Variants in FBXW10 observed in about 807,000 individuals in gnomAD.
The protein encoded by FBXW10 is F-box and WD repeat domain containing 10, also known as F-box/WD repeat-containing protein 10.
In FBXW10, 68 loss-of-function variants were observed where a neutral mutation model predicts 113.1. The observed-to-expected ratio is 0.60, with a 90% CI of 0.49 to 0.74. The LOEUF is 0.74. FBXW10 is among the 30% of genes least tolerant of loss of function. FBXW10 has a pLI of 0.00. For missense variants in FBXW10, 753 were observed against 1,284.5 expected (o/e 0.59, Z 6.32); for synonymous variants, 289 against 481.6 (o/e 0.60, Z 5.24).
rs558549771 is a variant in FBXW10, at chr17:18,758,488, C to A, written c.1416C>A (p.Ser472Arg). 1 of 1,613,402 alleles carries A rather than the reference C, an allele frequency of 6.2e-7. No individual in the cohort carries two copies. Among genetic ancestry groups the A allele is most frequent in the South Asian group, 1.1e-5 (1 of 91,050 alleles). ...CEEENFLLSG[S>R]YDLSIRYWDL... ...AGGAAAACTTTCTCCTAAGCGGGAG[C>A]TATGACCTAAGTATCAGGTGAGGAG... The change falls in exon 7 of 14, where the codon AGC (serine) becomes AGA (arginine). Residue 472 changes from serine (S) to arginine (R), a missense_variant. Ser to Arg is a moderately radical substitution (Grantham distance 110). Transcript: ENST00000395665.
At chr17:18,745,414 A>ATGT in intron 1 of FBXW10, 1 of 242,576 alleles carries the variant, frequency 4.1e-6, no homozygotes, top group Middle Eastern at 2.1e-3. Context: ...AGGATTCTGT[A>ATGT]TGTCTTTTCT....
rs569565112 is a variant in FBXW10, at chr17:18,748,230, T to C, written c.670+125T>C. 1.3e-4 allele frequency: 193 copies of C among 1,468,416 alleles called. 1 individual carries two copies. In the East Asian group the frequency reaches 4.6e-3, roughly 35 times the overall value. The allele number at this position is 1,468,416 out of a possible 1,614,324, so 91.0% of individuals were successfully genotyped here. On this transcript the variant is annotated intron_variant, in intron 2 of 13. Coordinates refer to ENST00000395665, the MANE Select transcript of FBXW10 (RefSeq NM_001267585.2). ...GTCAGGAGATCGAGACCATCCTGGC[T>C]AACACGGTGAAACCCCGTCTCTACT...
chr17:18,747,756 C>G (rs1336897881), intron 1 of FBXW10, among the ~76,000 whole-genome samples, 185 bp from the exon 2 acceptor site: 1 of 151,964 alleles, frequency 6.6e-6, no homozygotes, highest in Admixed American at 6.6e-5. Context: ...GAAAAGCTAA[C>G]AGGAAGCTTT....
At chr17:18,769,779 A>G (rs1170308185) in intron 10 of FBXW10, 148 bp from the exon 11 acceptor site, 5 of 397,636 alleles carry the variant, frequency 1.3e-5, no homozygotes, top group East Asian at 1.4e-4. Context: ...CTCCATCTCA[A>G]AAAAAAAAAA....
intron 10 of FBXW10, among the ~76,000 whole-genome samples, chr17:18,769,085 A>G (rs891661012): frequency 4.0e-5 from 6 of 151,350 alleles, no homozygotes; most frequent in African/African-American, 1.2e-4. Flanking sequence ...ACAGGCGCCC[A>G]CCACCACACC....
intron 7 of FBXW10, among the ~76,000 whole-genome samples, chr17:18,763,186 T>G (rs911718526): frequency 6.6e-6 from 1 of 151,472 alleles, no homozygotes; most frequent in African/African-American, 2.4e-5. Flanking sequence ...AGACAGAGTC[T>G]CACTCTGTCG....
chr17:18,746,633 T>A (rs1239122838), intron 1 of FBXW10, among the ~76,000 whole-genome samples: 1 of 152,140 alleles, frequency 6.6e-6, no homozygotes, highest in Non-Finnish European at 1.5e-5. Context: ...AAACAGTAAG[T>A]TAGACTGGAG....
intron 7 of FBXW10, among the ~76,000 whole-genome samples, chr17:18,759,520 CTT>C (rs554763780): frequency 2.3e-3 from 353 of 152,268 alleles, no homozygotes; most frequent in African/African-American, 8.0e-3. Flanking sequence ...CAGTAATTAA[CTT>C]ATTTTCACTG....
At chr17:18,756,642 T>G (rs1332045103) in intron 6 of FBXW10, among the ~76,000 whole-genome samples, 1 of 151,946 alleles carries the variant, frequency 6.6e-6, no homozygotes, top group East Asian at 1.9e-4. Context: ...TTACACATAT[T>G]TCTGTAACCC....
At chr17:18,769,101 A>G (rs2035559923) in intron 10 of FBXW10, among the ~76,000 whole-genome samples, 1 of 151,458 alleles carries the variant, frequency 6.6e-6, no homozygotes, top group Admixed American at 6.6e-5. Flanking sequence ...ACACCCAGCT[A>G]ATTTTTTGTA....
At chr17:18,775,891 A>G (rs2035689069) in intron 13 of FBXW10, among the ~76,000 whole-genome samples, 1 of 151,968 alleles carries the variant, frequency 6.6e-6, no homozygotes, top group South Asian at 2.1e-4. Flanking sequence ...TTGGCCAGAT[A>G]TGGTAGCACG....
rs531561948 is a variant in FBXW10 at position 18,774,475 on chromosome 17, T to C, written c.2279-661T>C. On this transcript the variant is annotated intron_variant, in intron 12 of 13. Transcript: ENST00000395665. ...GGAAGGGATAAGTTCCAGCGTTTGG[T>C]TGCACGGTAGGATGACTACAATTAA... Among the ~76,000 whole-genome samples, 113 of 152,208 alleles carry C rather than the reference T, an allele frequency of 7.4e-4. 2 individuals are homozygous for C. The highest frequency in any genetic ancestry group is 1.5e-3 in the Non-Finnish European group (100 of 68,028).
At chr17:18,756,415 T>C (rs926199611) in intron 6 of FBXW10, among the ~76,000 whole-genome samples, 7 of 152,236 alleles carry the variant, frequency 4.6e-5, no homozygotes, top group African/African-American at 1.7e-4. Flanking sequence ...ACATAAAATC[T>C]TTATTTTTTG....
Position 18,750,962 on chromosome 17 carries a change from A to G in FBXW10, c.1031A>G (p.Tyr344Cys). 2 of 1,614,054 alleles carry G rather than the reference A, an allele frequency of 1.2e-6. No individual in the cohort carries two copies. The highest frequency in any genetic ancestry group is 1.7e-6 in the Non-Finnish European group (2 of 1,179,940). ...TACACAAGAGGAATTGATCCTAATT[A>G]TGCCAATAAGGTTTCTATCCCAGTT... is the stretch of plus-strand genomic sequence containing the variant. ...GSYTRGIDPN[Y>C]ANKVSIPVPK... Residue 344 changes from tyrosine to cysteine, a missense_variant, in exon 5 of 14, where the codon TAT becomes TGT. Physicochemically the swap from Tyr to Cys is radical, Grantham distance 194. Transcript: ENST00000395665.
chr17:18,752,452 C>T (rs916562798), intron 5 of FBXW10, among the ~76,000 whole-genome samples: 1 of 152,180 alleles, frequency 6.6e-6, no homozygotes, highest in African/African-American at 2.4e-5. Flanking sequence ...CAGCAGCTCA[C>T]GCCTGTAATC....
chr17:18,773,088 C>A (rs1439687760), intron 12 of FBXW10, among the ~76,000 whole-genome samples: 1 of 151,966 alleles, frequency 6.6e-6, no homozygotes, highest in Non-Finnish European at 1.5e-5. Context: ...ACCACCACGA[C>A]TGGCTAATTT....
At position 18,750,070 on chromosome 17, in the gene FBXW10, T is replaced by G. The variant is rs2035131437; in HGVS notation, c.932T>G (p.Met311Arg). The G allele has an allele frequency of 2.5e-6, 4 of 1,613,510 alleles. No homozygotes were observed. Among genetic ancestry groups the G allele is most frequent in the Non-Finnish European group, 3.4e-6 (4 of 1,179,846 alleles). Residue 311 changes from methionine (M) to arginine (R), a missense_variant, in exon 4 of 14, where the codon ATG becomes AGG. Met to Arg is a moderately conservative substitution (Grantham distance 91, BLOSUM62 -1). Coordinates refer to ENST00000395665, the MANE Select transcript of FBXW10 (RefSeq NM_001267585.2). ...CASVSQHWAA[M>R]AQQVKMDLSA... Reference sequence around the variant, plus strand: ...TCTGTGAGCCAGCACTGGGCCGCCATGGCTCAACAGGTCAAGATGGACTTG... The same window carrying G: ...TCTGTGAGCCAGCACTGGGCCGCCAGGGCTCAACAGGTCAAGATGGACTTG...
chr17:18,744,910 T>C, intron 1 of FBXW10, 161 bp downstream of exon 1: 2 of 1,460,172 alleles, frequency 1.4e-6, no homozygotes, highest in Non-Finnish European at 1.8e-6. Context: ...TGACACCCGA[T>C]CCTGTTTACC....
In FBXW10 at chr17:18,779,225, G is replaced by C; in HGVS notation, c.3086G>C (p.Gly1029Ala). ...SKAAWIRKIK[G>A]LPIDNFTKQG... The stretch of plus-strand genomic sequence containing the variant: ...GCTGCATGGATCAGGAAGATCAAAG[G>C]CCTGCCTATTGATAATTTCACGAAG... Residue 1029 changes from glycine (G) to alanine (A), a missense_variant, in exon 14 of 14, where the codon GGC (glycine) becomes GCC (alanine). Coordinates refer to ENST00000395665, the MANE Select transcript of FBXW10 (RefSeq NM_001267585.2). The C allele has an allele frequency of 1.5e-6, 2 of 1,323,118 alleles. No homozygotes were observed. The highest frequency in any genetic ancestry group is 3.3e-5 in the African/African-American group (2 of 60,538). 82.0% of individuals were successfully genotyped at this position (1,323,118 alleles called of 1,614,324 possible). A position where few individuals can be genotyped will look rare whatever the true frequency, so the allele number is the denominator to read the frequency against.
Sources: gnomAD v4.1 joint callset for allele counts (sites outside exome capture counted in the v4.1 genomes callset) on GRCh38, gnomAD v4.1.1 for gene constraint, MANE v1.5 for transcripts, NCBI Gene and HGNC (gene_info 2026-07-23, HGNC 2026-07-21) for gene names.